The following NAV2 variants were observed in gnomAD, a reference collection of about 807,000 sequenced individuals.
NAV2 encodes helicase, APC down-regulated 1.
A neutral mutation model predicts 223.2 loss-of-function variants in NAV2; 54 were observed. The observed-to-expected ratio is 0.24, with a 90% CI of 0.19 to 0.30. The LOEUF (loss-of-function observed/expected upper bound fraction) is 0.30, where lower values mean the gene tolerates loss of function less well. Ranked by LOEUF, NAV2 falls within the 10% of genes least tolerant of loss-of-function variation. NAV2 has a pLI of 1.00. For synonymous variants in NAV2, 1,279 were observed against 1,239.3 expected (o/e 1.03, Z -0.67); for missense variants, 2,806 against 3,147.5 (o/e 0.89, Z 2.60).
At chr11:19,916,145 T>C (rs2043786647) in intron 6 of NAV2, among the ~76,000 whole-genome samples, 1 of 152,246 alleles carries the variant, frequency 6.6e-6, no homozygotes, top group Non-Finnish European at 1.5e-5. Context: ...TGTTAATGAT[T>C]AAAATCATGA....
At chr11:19,914,779 C>T (rs1485690136) in intron 6 of NAV2, among the ~76,000 whole-genome samples, 1 of 151,990 alleles carries the variant, frequency 6.6e-6, no homozygotes, top group African/African-American at 2.4e-5. Context: ...CTCCTGACCT[C>T]ATGATCCACC....
At chr11:19,720,702 A>G (rs1224548978) in intron 1 of NAV2, among the ~76,000 whole-genome samples, 1 of 152,234 alleles carries the variant, frequency 6.6e-6, no homozygotes, top group African/African-American at 2.4e-5. Context: ...CAGCCTCTGT[A>G]TCAGCATAAT....
chr11:19,862,974 A>T (rs567830244), intron 3 of NAV2, among the ~76,000 whole-genome samples: 2 of 151,872 alleles, frequency 1.3e-5, no homozygotes, highest in Non-Finnish European at 2.9e-5. Flanking sequence ...GGACGTGGAG[A>T]CCTCTTAGAT....
At chr11:19,523,522 T>C (rs2043740372) in intron 1 of NAV2, among the ~76,000 whole-genome samples, 1 of 152,212 alleles carries the variant, frequency 6.6e-6, no homozygotes, top group Non-Finnish European at 1.5e-5. Flanking sequence ...CCTGTTGAAG[T>C]TCTGCCTGAA....
intron 1 of NAV2, among the ~76,000 whole-genome samples, chr11:19,523,722 C>T (rs1450221897): frequency 6.6e-6 from 1 of 151,478 alleles, no homozygotes; most frequent in Non-Finnish European, 1.5e-5. Flanking sequence ...TCAAGGTTTG[C>T]AAAGCAATTG....
At position 19,868,883 on chromosome 11, in the gene NAV2, C is replaced by T. The variant is rs532869260; in HGVS notation, c.439-42C>T. 6.9e-6 allele frequency: 11 copies of T among 1,597,198 alleles called. No individual in the cohort carries two copies. In the African/African-American group the frequency reaches 9.4e-5, roughly 14 times the overall value. On this transcript the variant is annotated intron_variant, in intron 3 of 37. Coordinates refer to ENST00000349880, the MANE Select transcript of NAV2 (RefSeq NM_145117.5). ...CTCATAAGAGATGGCTCTGGAGAGGCTGAACATTTATTAAGTATATATTGT... is the reference window on the plus strand; with the variant it reads ...CTCATAAGAGATGGCTCTGGAGAGGTTGAACATTTATTAAGTATATATTGT...
At chr11:20,072,912 T>C (rs1012912640) in intron 22 of NAV2, among the ~76,000 whole-genome samples, 4 of 152,200 alleles carry the variant, frequency 2.6e-5, no homozygotes, top group African/African-American at 9.6e-5. Flanking sequence ...GTTTTCCCAA[T>C]TGAATACCCT....
At chr11:19,972,257 C>A (rs185166205) in intron 10 of NAV2, among the ~76,000 whole-genome samples, 2 of 152,158 alleles carry the variant, frequency 1.3e-5, no homozygotes, top group Admixed American at 6.5e-5. Context: ...TACAGACAAC[C>A]AGTGTTCTCA....
intron 1 of NAV2, among the ~76,000 whole-genome samples, chr11:19,409,020 G>A (rs183825783): frequency 1.3e-5 from 2 of 149,412 alleles, no homozygotes; most frequent in Non-Finnish European, 3.0e-5. Context: ...GGGAGAGGGG[G>A]GCTCTTGGAG....
chr11:19,369,817 A>G (rs543409327), intron 1 of NAV2, among the ~76,000 whole-genome samples: 1 of 152,314 alleles, frequency 6.6e-6, no homozygotes, highest in South Asian at 2.1e-4. Context: ...TAACAAGTCT[A>G]GTTTCCTTTG....
intron 2 of NAV2, among the ~76,000 whole-genome samples, chr11:19,838,620 G>C (rs2060355994): frequency 6.6e-6 from 1 of 152,092 alleles, no homozygotes; most frequent in South Asian, 2.1e-4. Flanking sequence ...AAACTTAAAT[G>C]GTTTTTGTTT....
At position 20,035,870 on chromosome 11, in the gene NAV2, T is replaced by G. The variant is rs879910045; in HGVS notation, c.2769-89T>G. On this transcript the variant is annotated intron_variant, in intron 11 of 37. Coordinates refer to ENST00000349880, the MANE Select transcript of NAV2 (RefSeq NM_145117.5). ...GCTTCATGGCACAGATTGGATCTTT[T>G]CGGGGATGGTGTTTGTCTGTCTGTG... 108 of 1,500,870 alleles carry G rather than the reference T, an allele frequency of 7.2e-5. No individual in the cohort carries two copies. The Middle Eastern group carries it at 8.6e-4, about 12-fold the overall frequency. 93.0% of individuals were successfully genotyped at this position (1,500,870 alleles called of 1,614,324 possible). A position where few individuals can be genotyped will look rare whatever the true frequency, so the allele number is the denominator to read the frequency against.
At chr11:19,426,296 G>C (rs1395662814) in intron 1 of NAV2, among the ~76,000 whole-genome samples, 5 of 152,118 alleles carry the variant, frequency 3.3e-5, no homozygotes, top group African/African-American at 1.2e-4. Context: ...TTCCAGGATG[G>C]GGAAGTGCGG....
intron 1 of NAV2, among the ~76,000 whole-genome samples, chr11:19,824,627 C>A (rs2059555785): frequency 6.6e-6 from 1 of 152,038 alleles, no homozygotes; most frequent in Non-Finnish European, 1.5e-5. Flanking sequence ...AAGGTGGGGG[C>A]TACATTAAAA....
chr11:20,011,501 T>C (rs750662163), intron 11 of NAV2, among the ~76,000 whole-genome samples: 3 of 152,204 alleles, frequency 2.0e-5, no homozygotes, highest in Admixed American at 6.5e-5. Context: ...ATTCTTTACA[T>C]GTATTGATTC....
rs59491897 is a variant in NAV2, at chr11:19,926,641, GA to G, written c.932-6522del. 8.1e-3 allele frequency among the ~76,000 whole-genome samples: 1,147 copies of G among 141,524 alleles called. 8 individuals are homozygous for G. Among genetic ancestry groups the G allele is most frequent in the African/African-American group, 0.024 (906 of 37,416 alleles). The allele number at this position is 141,524 out of a possible 152,430, so 92.8% of individuals were successfully genotyped here. On this transcript the variant is annotated intron_variant, in intron 6 of 37. Transcript: ENST00000349880. ...TGTGGCTGGAGTCAATACACTTAAAGAAAAAAAAAAAAACAAAAAAAACTAG... is the reference window on the plus strand; with the variant it reads ...TGTGGCTGGAGTCAATACACTTAAAGAAAAAAAAAAAACAAAAAAAACTAG...
At chr11:19,746,511 G>A (rs2053357646) in intron 1 of NAV2, among the ~76,000 whole-genome samples, 1 of 152,158 alleles carries the variant, frequency 6.6e-6, no homozygotes, top group Non-Finnish European at 1.5e-5. Context: ...TATTTATGGA[G>A]CATGTTTACT....
intron 3 of NAV2, among the ~76,000 whole-genome samples, chr11:19,858,794 C>T (rs999301852): frequency 2.0e-5 from 3 of 152,148 alleles, no homozygotes; most frequent in Non-Finnish European, 4.4e-5. Context: ...ATTACATATT[C>T]GGAGAAAGGC....
chr11:20,056,649 C>T (rs368732941), intron 19 of NAV2: 1 of 1,526,626 alleles, frequency 6.6e-7, no homozygotes, highest in African/African-American at 1.4e-5. Flanking sequence ...AGTCAAAATT[C>T]TGTGGAGGAT....
Sources: allele counts gnomAD v4.1 joint callset (sites outside exome capture counted in the v4.1 genomes callset), GRCh38; gene constraint gnomAD v4.1.1; transcripts MANE v1.5; gene names NCBI Gene and HGNC (gene_info 2026-07-23, HGNC 2026-07-21).